Variants in ENAM observed in about 807,000 individuals in gnomAD.
ENAM encodes enamelin, also known as amelogenesis imperfecta 2, hypocalcification (autosomal dominant).
In ENAM, 21 loss-of-function variants were observed where a neutral mutation model predicts 33.6. That is an observed-to-expected ratio of 0.63 (90% CI 0.44 to 0.90). ENAM has a LOEUF of 0.90. Ranked by LOEUF, ENAM falls within the 40% of genes least tolerant of loss-of-function variation. The pLI is 0.00. For synonymous variants in ENAM, 473 were observed against 468.4 expected (o/e 1.01, Z -0.13); for missense variants, 1,388 against 1,366.9 (o/e 1.02, Z -0.24).
intron 7 of ENAM, among the ~76,000 whole-genome samples, chr4:70,637,249 G>C (rs994013614): frequency 6.6e-6 from 1 of 152,182 alleles, no homozygotes; most frequent in Non-Finnish European, 1.5e-5. Flanking sequence ...CGGCCTCCAA[G>C]TTTGATTAGG....
chr4:70,630,594 G>A (rs1353776019), intron 2 of ENAM, among the ~76,000 whole-genome samples: 2 of 151,894 alleles, frequency 1.3e-5, no homozygotes, highest in African/African-American at 4.8e-5. Flanking sequence ...AACTAGAGTG[G>A]GATAAATGAA....
Position 70,645,182 on chromosome 4 carries a change from A to G in ENAM, c.*327A>G. 2 of 495,822 alleles carry G rather than the reference A, an allele frequency of 4.0e-6. No individual in the cohort carries two copies. The highest frequency in any genetic ancestry group is 6.4e-5 in the East Asian group (2 of 31,254). 30.7% of individuals were successfully genotyped at this position (495,822 alleles called of 1,614,324 possible). On this transcript the variant is annotated 3_prime_UTR_variant, in exon 9 of 9. Coordinates refer to ENST00000396073, the MANE Select transcript of ENAM (RefSeq NM_031889.3). ...ACTTCTTTTGCTCTCAAAGTTCCAT[A>G]CTTGCAAAATTGGTTTTTCAAGACT... is the stretch of plus-strand genomic sequence containing the variant.
chr4:70,634,408 C>T lies in ENAM; in HGVS notation c.311C>T (p.Pro104Leu). 6.2e-7 allele frequency: 1 copy of T among 1,614,120 alleles called. No individual in the cohort carries two copies. The highest frequency in any genetic ancestry group is 8.5e-7 in the Non-Finnish European group (1 of 1,180,022). Residue 104 changes from proline (P) to leucine (L), a missense_variant, in exon 6 of 9, where the codon CCA becomes CTA. By Grantham distance (98) the Pro-to-Leu change is moderately conservative (BLOSUM62 -3). Transcript: ENST00000396073. The part of the protein sequence containing the change: ...WPQPPPNTWH[P>L]RKSSAPKRHN... ...CAGCCACCACCCAACACATGGCATC[C>T]ACGGAAATCCTCAGCACCCAAACGT...
At position 70,642,866 on chromosome 4, in the gene ENAM, G is replaced by A. The variant is rs766352296; in HGVS notation, c.1440G>A (p.Met480Ile). The A allele has an allele frequency of 6.2e-7, 1 of 1,613,970 alleles. No individual in the cohort carries two copies. The highest frequency in any genetic ancestry group is 8.5e-7 in the Non-Finnish European group (1 of 1,179,966). Reference protein sequence around the residue: ...NYKLPHSEGYMPVPNFNSVDQ... With the variant: ...NYKLPHSEGYIPVPNFNSVDQ... ...AACTGCCTCACTCTGAGGGTTATAT[G>A]CCAGTCCCAAATTTTAATTCTGTTG... The change falls in exon 9 of 9, where the codon ATG (methionine) becomes ATA (isoleucine). Residue 480 changes from methionine (M) to isoleucine (I), a missense_variant. Physicochemically the swap from Met to Ile is conservative, Grantham distance 10. Coordinates refer to ENST00000396073, the MANE Select transcript of ENAM (RefSeq NM_031889.3).
chr4:70,631,324 G>A (rs879870843), intron 2 of ENAM, among the ~76,000 whole-genome samples: 27 of 151,988 alleles, frequency 1.8e-4, no homozygotes, highest in African/African-American at 6.0e-4. Context: ...TTCCTATTTG[G>A]GGGATAACCT....
At chr4:70,633,843 G>A (rs1738383571) in intron 5 of ENAM, among the ~76,000 whole-genome samples, 1 of 152,104 alleles carries the variant, frequency 6.6e-6, no homozygotes. Context: ...TACACAGACT[G>A]AATTTTTATC....
At chr4:70,639,316 C>T (rs764263582) in intron 8 of ENAM, among the ~76,000 whole-genome samples, 27 of 152,034 alleles carry the variant, frequency 1.8e-4, no homozygotes, top group African/African-American at 5.3e-4. Context: ...AGGCCAGGCA[C>T]GGGTGGCTCA....
intron 5 of ENAM, among the ~76,000 whole-genome samples, chr4:70,633,641 C>T (rs1738378404): frequency 6.6e-6 from 1 of 152,130 alleles, no homozygotes; most frequent in Non-Finnish European, 1.5e-5. Flanking sequence ...CAAGACTGAT[C>T]ATTCATAAAT....
chr4:70,634,331 T>C lies in ENAM; in HGVS notation c.234T>C (p.Phe78=), dbSNP rs34251790. 2.7e-4 allele frequency: 430 copies of C among 1,614,150 alleles called. 2 individuals carry two copies. The African/African-American group carries it at 5.6e-3, about 21-fold the overall frequency. ...AGATGGCACACCTGGGGCCCTTCTT[T>C]GGAAACGGTCTCCCTCAGCAATTTC... ...GPHMAHLGPF[F]GNGLPQQFPQ... The change falls in exon 6 of 9, where the codon TTT becomes TTC. Residue 78 remains phenylalanine (F), a synonymous_variant. Coordinates refer to ENST00000396073, the MANE Select transcript of ENAM (RefSeq NM_031889.3).
intron 7 of ENAM, 144 bp from the exon 8 acceptor site, chr4:70,637,646 T>C (rs537321058): frequency 1.4e-6 from 1 of 737,400 alleles, no homozygotes; most frequent in Admixed American, 1.9e-5. Context: ...CTGTGAGAGC[T>C]AATAACTCAA....
At position 70,634,416 on chromosome 4, in the gene ENAM, T is replaced by C; in HGVS notation, c.319T>C (p.Ser107Pro). Residue 107 changes from serine (S) to proline (P), a missense_variant, in exon 6 of 9, where the codon TCC (serine) becomes CCC (proline). Coordinates refer to ENST00000396073, the MANE Select transcript of ENAM (RefSeq NM_031889.3). ...PPPNTWHPRK[S>P]SAPKRHNKTD... Reference sequence around the variant, plus strand: ...ACCCAACACATGGCATCCACGGAAATCCTCAGCACCCAAACGTCATAACAA... The same window carrying C: ...ACCCAACACATGGCATCCACGGAAACCCTCAGCACCCAAACGTCATAACAA... 2.5e-6 allele frequency: 4 copies of C among 1,613,900 alleles called. No homozygotes were observed. Among genetic ancestry groups the C allele is most frequent in the Non-Finnish European group, 3.4e-6 (4 of 1,179,994 alleles).
At chr4:70,641,177 G>A (rs1291408269) in intron 8 of ENAM, among the ~76,000 whole-genome samples, 1 of 152,084 alleles carries the variant, frequency 6.6e-6, no homozygotes, top group Non-Finnish European at 1.5e-5. Flanking sequence ...AGATTTCACG[G>A]GAGATGAGCC....
chr4:70,643,648 T>C lies in ENAM; in HGVS notation c.2222T>C (p.Ile741Thr), dbSNP rs906298209. ...ACAGCTTCTACTATGCCACCACCTATAGAGAGCAGGGGCTACTACGTTAAT... is the reference window on the plus strand; with the variant it reads ...ACAGCTTCTACTATGCCACCACCTACAGAGAGCAGGGGCTACTACGTTAAT... Reference protein sequence around the residue: ...YNTASTMPPPIESRGYYVNNA... With the variant: ...YNTASTMPPPTESRGYYVNNA... The change falls in exon 9 of 9, where the codon ATA becomes ACA. Residue 741 changes from isoleucine to threonine, a missense_variant. Transcript: ENST00000396073. The C allele has an allele frequency of 6.2e-6, 10 of 1,613,904 alleles. No homozygotes were observed. The African/African-American group carries it at 1.2e-4, about 19-fold the overall frequency.
rs760242163 is a variant in ENAM at position 70,643,642 on chromosome 4, C to T, written c.2216C>T (p.Pro739Leu). The change falls in exon 9 of 9, where the codon CCA becomes CTA. Residue 739 changes from proline to leucine, a missense_variant. Coordinates refer to ENST00000396073, the MANE Select transcript of ENAM (RefSeq NM_031889.3). Reference protein sequence around the residue: ...PSYNTASTMPPPIESRGYYVN... With the variant: ...PSYNTASTMPLPIESRGYYVN... ...TATAATACAGCTTCTACTATGCCACCACCTATAGAGAGCAGGGGCTACTAC... is the reference window on the plus strand; with the variant it reads ...TATAATACAGCTTCTACTATGCCACTACCTATAGAGAGCAGGGGCTACTAC... 6.2e-6 allele frequency: 10 copies of T among 1,613,944 alleles called. No individual in the cohort carries two copies. Among genetic ancestry groups the T allele is most frequent in the Non-Finnish European group, 8.5e-6 (10 of 1,179,986 alleles).
At chr4:70,638,120 A>C (rs1738505055) in intron 8 of ENAM, among the ~76,000 whole-genome samples, 1 of 152,174 alleles carries the variant, frequency 6.6e-6, no homozygotes. Flanking sequence ...TGATTATATT[A>C]ATACAAATAA....
Position 70,643,684 on chromosome 4 carries a change from G to C in ENAM, c.2258G>C (p.Gly753Ala). The C allele has an allele frequency of 6.2e-7, 1 of 1,614,074 alleles. No homozygotes were observed. The highest frequency in any genetic ancestry group is 8.5e-7 in the Non-Finnish European group (1 of 1,180,014). The change falls in exon 9 of 9, where the codon GGA becomes GCA. Residue 753 changes from glycine (G) to alanine (A), a missense_variant. By Grantham distance (60) the Gly-to-Ala change is moderately conservative. Coordinates refer to ENST00000396073, the MANE Select transcript of ENAM (RefSeq NM_031889.3). ...SRGYYVNNAA[G>A]PEESTLFPSR... ...GGCTACTACGTTAATAATGCCGCTG[G>C]ACCAGAAGAAAGCACTCTATTTCCT...
chr4:70,643,424 T>C lies in ENAM; in HGVS notation c.1998T>C (p.Pro666=). 4 of 1,614,142 alleles carry C rather than the reference T, an allele frequency of 2.5e-6. No individual in the cohort carries two copies. Among genetic ancestry groups the C allele is most frequent in the Non-Finnish European group, 3.4e-6 (4 of 1,180,004 alleles). Residue 666 remains proline, a synonymous_variant, in exon 9 of 9, where the codon CCT becomes CCC. Coordinates refer to ENST00000396073, the MANE Select transcript of ENAM (RefSeq NM_031889.3). ...ATCCAACTGGAGATGAAGTCTTTCC[T>C]GGACAAAATAGATGGGGTGAAGAGT... ...PVDPTGDEVF[P]GQNRWGEELS...
chr4:70,631,674 C>G lies in ENAM; in HGVS notation c.59C>G (p.Pro20Arg), dbSNP rs1157696182. Residue 20 changes from proline (P) to arginine (R), a missense_variant, in exon 3 of 9, where the codon CCA (proline) becomes CGA (arginine). By Grantham distance (103) the Pro-to-Arg change is moderately radical. Transcript: ENST00000396073. ...TSFPKLDNLV[P>R]KGKMKILLVF... The stretch of plus-strand genomic sequence containing the variant: ...AAAATCAATTTTTTATTCTAGGTAC[C>G]AAAAGGCAAAATGAAGATTCTCCTG... 1.9e-6 allele frequency: 3 copies of G among 1,611,636 alleles called. No individual in the cohort carries two copies. Among genetic ancestry groups the G allele is most frequent in the African/African-American group, 1.3e-5 (1 of 74,852 alleles).
chr4:70,637,758 C>G, intron 7 of ENAM, 32 bp from the exon 8 acceptor site: 1 of 1,593,320 alleles, frequency 6.3e-7, no homozygotes, highest in Non-Finnish European at 8.6e-7. Context: ...ACGTGGTTTT[C>G]TCCTGTGTTC....
Sources: allele counts gnomAD v4.1 joint callset (sites outside exome capture counted in the v4.1 genomes callset), GRCh38; gene constraint gnomAD v4.1.1; transcripts MANE v1.5; gene names NCBI Gene and HGNC (gene_info 2026-07-23, HGNC 2026-07-21).